The following ANK3 variants were observed in gnomAD, a reference collection of about 807,000 sequenced individuals.
ANK3 encodes ankyrin 3.
A neutral mutation model predicts 370.9 loss-of-function variants in ANK3; 57 were observed. That is an observed-to-expected ratio of 0.15 (90% CI 0.12 to 0.19). ANK3 has a LOEUF of 0.19. Ranked by LOEUF, ANK3 falls within the 10% of genes least tolerant of loss-of-function variation. The pLI is 1.00. For synonymous variants in ANK3, 1,929 were observed against 1,946.3 expected (o/e 0.99, Z 0.23); for missense variants, 4,439 against 5,302.1 (o/e 0.84, Z 5.06).
chr10:60,071,069 T>G lies in ANK3; in HGVS notation c.9812A>C (p.His3271Pro), dbSNP rs1156367313. The change falls in exon 37 of 44, where the codon CAT (histidine) becomes CCT (proline). Residue 3271 changes from histidine to proline, a missense_variant. His to Pro is a moderately conservative substitution (Grantham distance 77). Around this residue, in one of 13 missense-constraint regions of ANK3, gnomAD observed 1,601 missense variants for 1,731.7 expected, o/e 0.92. Transcript: ENST00000280772. ...DADQIESDKK[H>P]HYLPEKEVDM... The stretch of plus-strand genomic sequence containing the variant: ...AACCTCTTTTTCTGGGAGATAATGA[T>G]GCTTCTTATCTGACTCAATCTGGTC... 1 of 1,614,168 alleles carries G rather than the reference T, an allele frequency of 6.2e-7. No homozygotes were observed. The highest frequency in any genetic ancestry group is 8.5e-7 in the Non-Finnish European group (1 of 1,180,032).
Position 60,363,977 on chromosome 10 carries a change from T to TGC in ANK3, c.114+25447_114+25448insGC, listed in dbSNP as rs1566857662. Among the ~76,000 whole-genome samples, 5 of 146,358 alleles carry TGC rather than the reference T, an allele frequency of 3.4e-5. No homozygotes were observed. In the South Asian group the frequency reaches 1.1e-3, roughly 33 times the overall value. Reference sequence around the variant, plus strand: ...AAAAGAGGAAGGAGAAGTGTTTTTTTTTTTTTTTTTTTTTTTTAACTTTAA... The same window carrying TGC: ...AAAAGAGGAAGGAGAAGTGTTTTTTTGCTTTTTTTTTTTTTTTTTAACTTTAA... On this transcript the variant is annotated intron_variant, in intron 1 of 43. Transcript: ENST00000280772.
chr10:60,046,340 T>C (rs2076959772), intron 42 of ANK3, among the ~76,000 whole-genome samples: 1 of 152,156 alleles, frequency 6.6e-6, no homozygotes, highest in African/African-American at 2.4e-5. Flanking sequence ...TGACAAATAT[T>C]TTTGAGCTAA....
chr10:60,368,332 C>T (rs2059665004), intron 1 of ANK3, among the ~76,000 whole-genome samples: 1 of 152,074 alleles, frequency 6.6e-6, no homozygotes, highest in Non-Finnish European at 1.5e-5. Flanking sequence ...TGCAACGGCA[C>T]ATAGTCATGG....
intron 1 of ANK3, among the ~76,000 whole-genome samples, chr10:60,670,105 T>A (rs2079047405): frequency 6.6e-6 from 1 of 152,102 alleles, no homozygotes; most frequent in Admixed American, 6.5e-5. Flanking sequence ...ATTACAGGCA[T>A]GAACCACTGT....
At chr10:60,510,411 A>G (rs887796109) in intron 2 of ANK3, among the ~76,000 whole-genome samples, 1 of 152,136 alleles carries the variant, frequency 6.6e-6, no homozygotes, top group Non-Finnish European at 1.5e-5. Context: ...ATTACCCACC[A>G]TGTGCCAAGT....
At chr10:60,618,952 GA>G (rs572953880) in intron 1 of ANK3, among the ~76,000 whole-genome samples, 70 of 151,652 alleles carry the variant, frequency 4.6e-4, no homozygotes, top group African/African-American at 1.6e-3. Flanking sequence ...CCAGAAATAA[GA>G]AAAAAAATGT....
chr10:60,433,072 G>A (rs1000823846), intron 2 of ANK3, among the ~76,000 whole-genome samples: 11 of 152,066 alleles, frequency 7.2e-5, no homozygotes, highest in African/African-American at 1.7e-4. Context: ...TCCACTTCAG[G>A]TGCTAATCAC....
chr10:60,309,701 C>T (rs1593463159), intron 1 of ANK3, among the ~76,000 whole-genome samples: 3 of 152,018 alleles, frequency 2.0e-5, no homozygotes, highest in Admixed American at 2.0e-4. Context: ...GTTTAAAATA[C>T]TTGTGATTAA....
chr10:60,272,874 T>C (rs1180796701), intron 4 of ANK3, among the ~76,000 whole-genome samples: 1 of 152,176 alleles, frequency 6.6e-6, no homozygotes, highest in Non-Finnish European at 1.5e-5. Context: ...GTTCTCAATG[T>C]TGGGGTGGAG....
intron 1 of ANK3, among the ~76,000 whole-genome samples, chr10:60,643,879 C>T (rs148716795): frequency 5.7e-4 from 86 of 152,212 alleles, no homozygotes; most frequent in African/African-American, 2.0e-3. Flanking sequence ...GAATGTGTTC[C>T]TAGAACAAGA....
rs2083340452 is a variant in ANK3, at chr10:60,074,278, C to T, written c.6603G>A (p.Met2201Ile). 6.2e-7 allele frequency: 1 copy of T among 1,613,942 alleles called. No individual in the cohort carries two copies. Among genetic ancestry groups the T allele is most frequent in the South Asian group, 1.1e-5 (1 of 91,078 alleles). Residue 2201 changes from methionine (M) to isoleucine (I), a missense_variant, in exon 37 of 44, where the codon ATG (methionine) becomes ATA (isoleucine). Coordinates refer to ENST00000280772, the MANE Select transcript of ANK3 (RefSeq NM_020987.5). ...AGGTGGTGGGCTTTGGTTCCAATTC[C>T]ATAAAAGTAGGTGAAGGTTTAGGTG... The part of the protein sequence containing the change: ...PVSPKPSPTF[M>I]ELEPKPTTSS...
intron 2 of ANK3, among the ~76,000 whole-genome samples, chr10:60,567,985 G>A (rs904279727): frequency 6.6e-6 from 1 of 152,186 alleles, no homozygotes; most frequent in South Asian, 2.1e-4. Flanking sequence ...GAATGGATGA[G>A]GAGTTACTTC....
At chr10:60,317,937 C>T (rs770280431) in intron 1 of ANK3, among the ~76,000 whole-genome samples, 43 of 151,858 alleles carry the variant, frequency 2.8e-4, no homozygotes, top group Non-Finnish European at 1.3e-4. Context: ...AGGATGGTCT[C>T]GATCTCCTGA....
At position 60,389,578 on chromosome 10, in the gene ANK3, C is replaced by T; in HGVS notation, c.-40G>A. 1 of 1,608,704 alleles carries T rather than the reference C, an allele frequency of 6.2e-7. No homozygotes were observed. The highest frequency in any genetic ancestry group is 8.5e-7 in the Non-Finnish European group (1 of 1,178,472). On this transcript the variant is annotated 5_prime_UTR_variant, in exon 1 of 44. Transcript: ENST00000280772. ...GATCCTCTCAAGCACACACGGCTTC[C>T]TTGTAAAAGGTGATATCCTCAGGCA...
intron 2 of ANK3, among the ~76,000 whole-genome samples, chr10:60,488,196 T>C (rs1365459589): frequency 6.6e-6 from 1 of 152,162 alleles, no homozygotes; most frequent in African/African-American, 2.4e-5. Flanking sequence ...TGGATTTTCT[T>C]TGCATGTCAG....
At chr10:60,622,929 G>A (rs372561311) in intron 1 of ANK3, among the ~76,000 whole-genome samples, 6 of 152,144 alleles carry the variant, frequency 3.9e-5, no homozygotes, top group South Asian at 2.1e-4. Flanking sequence ...TAGTGTTTAC[G>A]TGCTCAAGTG....
At chr10:60,382,695 C>T (rs984496811) in intron 1 of ANK3, among the ~76,000 whole-genome samples, 1 of 151,454 alleles carries the variant, frequency 6.6e-6, no homozygotes, top group South Asian at 2.1e-4. Flanking sequence ...AAAACTATAG[C>T]AAATTGCTTG....
At chr10:60,318,892 T>A (rs573850758) in intron 1 of ANK3, among the ~76,000 whole-genome samples, 2 of 152,330 alleles carry the variant, frequency 1.3e-5, no homozygotes, top group South Asian at 4.1e-4. Flanking sequence ...CTTTCCTGAA[T>A]CTAAGAAACA....
intron 17 of ANK3, among the ~76,000 whole-genome samples, chr10:60,184,876 G>A (rs937197304): frequency 2.0e-5 from 3 of 152,118 alleles, no homozygotes; most frequent in Non-Finnish European, 4.4e-5. Flanking sequence ...TGGAAGAAAT[G>A]ATGAAATACA....
Sources: allele counts gnomAD v4.1 joint callset (sites outside exome capture counted in the v4.1 genomes callset), GRCh38; gene constraint gnomAD v4.1.1; regional missense constraint gnomAD v4.1.1; transcripts MANE v1.5; gene names NCBI Gene and HGNC (gene_info 2026-07-23, HGNC 2026-07-21).